RIBC2: variants seen among roughly 807,000 people sequenced by gnomAD.
RIBC2 encodes RIB43A-like with coiled-coils protein 2.
Under a neutral mutation model 44.3 loss-of-function variants are expected in RIBC2, and 40 were observed. The ratio of observed to expected loss-of-function variants is 0.90; its 90% CI spans 0.70 to 1.18. The LOEUF (loss-of-function observed/expected upper bound fraction) is 1.18. Among genes scored for constraint, RIBC2 ranks in the 50% most tolerant of loss-of-function variants. The pLI, the probability that RIBC2 is intolerant of heterozygous loss-of-function variation, is 0.00. For missense variants in RIBC2, 459 were observed against 485.5 expected (o/e 0.95, Z 0.51); for synonymous variants, 171 against 175.0 (o/e 0.98, Z 0.18).
chr22:45,419,177 T>A (rs747610389), intron 3 of RIBC2, among the ~76,000 whole-genome samples: 2 of 152,228 alleles, frequency 1.3e-5, no homozygotes, highest in African/African-American at 2.4e-5. Flanking sequence ...TTCCCAGGTT[T>A]ATACCTCCAG....
At chr22:45,419,155 A>G (rs980410383) in intron 3 of RIBC2, among the ~76,000 whole-genome samples, 9 of 152,174 alleles carry the variant, frequency 5.9e-5, no homozygotes, top group African/African-American at 1.9e-4. Context: ...AATGCCACCT[A>G]TAGGCCATCA....
intron 4 of RIBC2, among the ~76,000 whole-genome samples, chr22:45,423,278 G>A (rs1040802101): frequency 3.3e-5 from 5 of 151,974 alleles, no homozygotes; most frequent in African/African-American, 7.3e-5. Context: ...CCCTCTTTTC[G>A]TTTTGGAAAT....
intron 4 of RIBC2, among the ~76,000 whole-genome samples, chr22:45,422,695 G>A (rs2087498638): frequency 6.6e-6 from 1 of 152,170 alleles, no homozygotes; most frequent in Non-Finnish European, 1.5e-5. Context: ...GTAACATGAG[G>A]ATGGTGACAT....
In RIBC2 at chr22:45,414,319, T is replaced by C. The variant is rs773904708; in HGVS notation, c.130-3T>C. 5.2e-6 allele frequency: 8 copies of C among 1,548,868 alleles called. No homozygotes were observed. The highest frequency in any genetic ancestry group is 1.4e-5 in the African/African-American group (1 of 72,924). ...CCCTTCTCCTCTGTTTTTCCATTTA[T>C]AGGGAGACACTGAAGCCTGGGATGT... On this transcript the variant is annotated splice_region_variant and splice_polypyrimidine_tract_variant and intron_variant, in intron 1 of 6. Coordinates refer to ENST00000614167, the MANE Select transcript of RIBC2 (RefSeq NM_015653.5).
chr22:45,422,437 A>T, intron 4 of RIBC2, 29 bp downstream of exon 4: 1 of 1,510,474 alleles, frequency 6.6e-7, no homozygotes, highest in Admixed American at 1.7e-5. Context: ...CTCGGGCTCG[A>T]CGACTGGAGG....
intron 2 of RIBC2, among the ~76,000 whole-genome samples, chr22:45,415,875 T>C (rs1424203476): frequency 6.6e-6 from 1 of 152,154 alleles, no homozygotes; most frequent in Middle Eastern, 3.2e-3. Context: ...GATTTTTGTA[T>C]TTTTAGTAGA....
chr22:45,422,223 G>C, intron 3 of RIBC2, 67 bp from the exon 4 acceptor site: 3 of 1,143,834 alleles, frequency 2.6e-6, no homozygotes, highest in Non-Finnish European at 2.7e-6. Context: ...GCAAAGGCAC[G>C]AACGGCCACA....
At chr22:45,423,680 G>A (rs935048360) in intron 4 of RIBC2, among the ~76,000 whole-genome samples, 5 of 152,124 alleles carry the variant, frequency 3.3e-5, no homozygotes, top group Non-Finnish European at 4.4e-5. Flanking sequence ...ACGGGGGAGA[G>A]GAATGAGGAG....
intron 4 of RIBC2, chr22:45,422,632 C>G: frequency 1.9e-6 from 1 of 539,626 alleles, no homozygotes; most frequent in Non-Finnish European, 3.3e-6. Context: ...GCCAAACTAG[C>G]CATGTAACCT....
Position 45,432,396 on chromosome 22 carries a change from A to T in RIBC2, c.*34A>T, listed in dbSNP as rs377650870. 2.2e-6 allele frequency: 3 copies of T among 1,382,142 alleles called. No homozygotes were observed. The highest frequency in any genetic ancestry group is 1.9e-5 in the Admixed American group (1 of 52,776). The allele number at this position is 1,382,142 out of a possible 1,614,324, so 85.6% of individuals were successfully genotyped here. On this transcript the variant is annotated 3_prime_UTR_variant, in exon 7 of 7. Coordinates refer to ENST00000614167, the MANE Select transcript of RIBC2 (RefSeq NM_015653.5). Reference sequence around the variant, plus strand: ...ACACCCTTGTTCCCGTCATTCACGTATAAAGAGTGGCTACCTTAAAGAGTC... The same window carrying T: ...ACACCCTTGTTCCCGTCATTCACGTTTAAAGAGTGGCTACCTTAAAGAGTC...
At position 45,421,539 on chromosome 22, in the gene RIBC2, TAATATTAATAATAA is replaced by T. The variant is rs1569208864; in HGVS notation, c.557-750_557-737del. ...TTAATAATAATAATAGTATTATTAA[TAATATTAATAATAA>T]TAATAGTATTATTAATAATAGTATT... On this transcript the variant is annotated intron_variant, in intron 3 of 6. Coordinates refer to ENST00000614167, the MANE Select transcript of RIBC2 (RefSeq NM_015653.5). 1.0e-4 allele frequency among the ~76,000 whole-genome samples: 4 copies of T among 38,360 alleles called. No homozygotes were observed. The African/African-American group carries it at 1.2e-3, about 11-fold the overall frequency. 25.2% of individuals were successfully genotyped at this position (38,360 alleles called of 152,430 possible).
intron 2 of RIBC2, among the ~76,000 whole-genome samples, chr22:45,415,890 A>G (rs1177971641): frequency 6.6e-6 from 1 of 152,012 alleles, no homozygotes; most frequent in Non-Finnish European, 1.5e-5. Flanking sequence ...AGTAGAGACG[A>G]GGTTTCACCA....
At position 45,430,884 on chromosome 22, in the gene RIBC2, C is replaced by T; in HGVS notation, c.904-16C>T. On this transcript the variant is annotated splice_polypyrimidine_tract_variant and intron_variant, in intron 5 of 6. Coordinates refer to ENST00000614167, the MANE Select transcript of RIBC2 (RefSeq NM_015653.5). ...TCTGGGGAAAGGTGGTGGTGAGCCG[C>T]CTCTTTTCCTTCCAGAGGCTCCAGG... 6.4e-7 allele frequency: 1 copy of T among 1,556,902 alleles called. No homozygotes were observed. The highest frequency in any genetic ancestry group is 1.4e-5 in the African/African-American group (1 of 73,068).
At chr22:45,421,992 A>G (rs920827113) in intron 3 of RIBC2, among the ~76,000 whole-genome samples, 6 of 151,958 alleles carry the variant, frequency 3.9e-5, no homozygotes, top group Admixed American at 2.0e-4. Flanking sequence ...CTCAAACGTC[A>G]TTTCTTGGGG....
At chr22:45,422,741 G>A (rs76275850) in intron 4 of RIBC2, among the ~76,000 whole-genome samples, 122 of 152,242 alleles carry the variant, frequency 8.0e-4, no homozygotes, top group African/African-American at 2.8e-3. Flanking sequence ...CTGCTCCACT[G>A]CCTGGTGCTG....
chr22:45,422,076 C>G (rs1367891192), intron 3 of RIBC2, among the ~76,000 whole-genome samples: 1 of 152,202 alleles, frequency 6.6e-6, no homozygotes, highest in Non-Finnish European at 1.5e-5. Flanking sequence ...GGGCACACCA[C>G]CAGCCTGTCC....
chr22:45,425,166 C>T (rs892268080), intron 4 of RIBC2, among the ~76,000 whole-genome samples: 4 of 151,890 alleles, frequency 2.6e-5, no homozygotes, highest in Non-Finnish European at 4.4e-5. Flanking sequence ...GGTGTAGGGG[C>T]TTGGAAGGAT....
rs373373549 is a variant in RIBC2 at position 45,426,194 on chromosome 22, T to C, written c.903+19T>C. The C allele has an allele frequency of 2.2e-5, 36 of 1,602,106 alleles. No individual in the cohort carries two copies. In the African/African-American group the frequency reaches 3.3e-4, roughly 15 times the overall value. ...GAAGCTGGTGACTGCCCCGCCCCTTTTTCCAGAGCCCATAGAGCCAGGCTC... is the reference window on the plus strand; with the variant it reads ...GAAGCTGGTGACTGCCCCGCCCCTTCTTCCAGAGCCCATAGAGCCAGGCTC... On this transcript the variant is annotated intron_variant, in intron 5 of 6. Coordinates refer to ENST00000614167, the MANE Select transcript of RIBC2 (RefSeq NM_015653.5).
intron 2 of RIBC2, among the ~76,000 whole-genome samples, chr22:45,414,678 A>G (rs2146870571): frequency 6.6e-6 from 1 of 151,324 alleles, no homozygotes; most frequent in African/African-American, 2.4e-5. Flanking sequence ...TCATTTTCAC[A>G]CTCTTCTTCC....
Sources: gnomAD v4.1 joint callset for allele counts (sites outside exome capture counted in the v4.1 genomes callset) on GRCh38, gnomAD v4.1.1 for gene constraint, MANE v1.5 for transcripts, NCBI Gene and HGNC (gene_info 2026-07-23, HGNC 2026-07-21) for gene names.